CACNA1C: variants seen among roughly 807,000 people sequenced by gnomAD.
CACNA1C encodes the protein calcium voltage-gated channel subunit alpha1 C.
CACNA1C carries 30 observed loss-of-function variants against 229.0 expected under a neutral mutation model. The observed-to-expected ratio is 0.13, with a 90% CI of 0.10 to 0.18. The LOEUF (loss-of-function observed/expected upper bound fraction) is 0.18. Among genes scored for constraint, CACNA1C ranks in the 10% least tolerant of loss-of-function variants. CACNA1C has a pLI of 1.00. For missense variants in CACNA1C, 1,658 were observed against 2,845.0 expected, an observed-to-expected ratio of 0.58 and a Z score of 9.49; for synonymous variants, 1,114 against 1,132.5, an observed-to-expected ratio of 0.98 and a Z score of 0.33.
At chr12:2,301,423 G>C (rs756426885) in intron 3 of CACNA1C, among the ~76,000 whole-genome samples, 1 of 152,118 alleles carries the variant, frequency 6.6e-6, no homozygotes, top group Non-Finnish European at 1.5e-5. Context: ...GCAGAATTTC[G>C]CACAGAAGGT....
intron 1 of CACNA1C, among the ~76,000 whole-genome samples, chr12:2,016,950 C>T (rs568171179): frequency 4.3e-4 from 65 of 152,310 alleles, no homozygotes; most frequent in African/African-American, 1.5e-3. Context: ...TTAGAAGCTT[C>T]CTGTTCCTTA....
chr12:2,315,141 C>T (rs978741788), intron 3 of CACNA1C, among the ~76,000 whole-genome samples: 1 of 152,166 alleles, frequency 6.6e-6, no homozygotes, highest in African/African-American at 2.4e-5. Flanking sequence ...CACTTTCCCC[C>T]AACCCATTCT....
intron 3 of CACNA1C, among the ~76,000 whole-genome samples, chr12:2,405,388 C>T (rs1159048181): frequency 6.6e-6 from 1 of 152,180 alleles, no homozygotes; most frequent in Non-Finnish European, 1.5e-5. Flanking sequence ...GAGATCTTCC[C>T]CGTGTGCACA....
At chr12:2,277,828 T>C (rs1019859165) in intron 3 of CACNA1C, among the ~76,000 whole-genome samples, 5 of 152,236 alleles carry the variant, frequency 3.3e-5, no homozygotes, top group Non-Finnish European at 7.3e-5. Context: ...CTTTATTGCA[T>C]GTTAATACTT....
At chr12:2,532,407 G>C (rs907785542) in intron 9 of CACNA1C, among the ~76,000 whole-genome samples, 1 of 152,082 alleles carries the variant, frequency 6.6e-6, no homozygotes, top group Non-Finnish European at 1.5e-5. Context: ...ACTCCCATCT[G>C]CAAGAAGGCC....
At chr12:2,551,983 A>G (rs1330866116) in intron 10 of CACNA1C, among the ~76,000 whole-genome samples, 3 of 152,190 alleles carry the variant, frequency 2.0e-5, no homozygotes, top group African/African-American at 7.2e-5. Context: ...GGTTGTTGGG[A>G]TGAAAACTAC....
intron 3 of CACNA1C, among the ~76,000 whole-genome samples, chr12:2,343,328 T>A (rs548530389): frequency 5.3e-5 from 8 of 152,328 alleles, no homozygotes; most frequent in Admixed American, 4.6e-4. Context: ...TATTTGGCTG[T>A]TCACAACCTT....
chr12:2,597,458 G>T lies in CACNA1C; in HGVS notation c.2853+169G>T. 3 of 1,610,186 alleles carry T rather than the reference G, an allele frequency of 1.9e-6. No homozygotes were observed. Among genetic ancestry groups the T allele is most frequent in the Non-Finnish European group, 2.5e-6 (3 of 1,176,486 alleles). On this transcript the variant is annotated intron_variant, in intron 21 of 46. Transcript: ENST00000399655. This position sits in a 1 kb window ranked among gnomAD's most constrained non-coding sequence, Gnocchi z 4.3. ...TCAGATCCTAGGCAATGCAGACTAT[G>T]TCTTCACTAGTATCTTTACATTAGA...
chr12:2,674,002 C>T (rs749467800), intron 38 of CACNA1C, among the ~76,000 whole-genome samples: 9 of 152,190 alleles, frequency 5.9e-5, no homozygotes, highest in Non-Finnish European at 1.3e-4. Flanking sequence ...AGGCTAGGAC[C>T]CCAGAGGCTG....
chr12:2,151,418 A>C (rs534877121), intron 3 of CACNA1C, among the ~76,000 whole-genome samples: 1 of 151,738 alleles, frequency 6.6e-6, no homozygotes, highest in South Asian at 2.1e-4. Context: ...CTGAGGAGCC[A>C]TTTTTATAGG....
chr12:2,081,649 T>G (rs2065691406), intron 1 of CACNA1C, among the ~76,000 whole-genome samples: 1 of 152,086 alleles, frequency 6.6e-6, no homozygotes, highest in Admixed American at 6.5e-5. Flanking sequence ...CTGAGAGAAC[T>G]ACCAAGGGAC....
chr12:2,226,125 G>GCACACACACA (rs59055471), intron 3 of CACNA1C, among the ~76,000 whole-genome samples: 3 of 142,770 alleles, frequency 2.1e-5, no homozygotes, highest in African/African-American at 5.2e-5. Context: ...ATGGGGACGC[G>GCACACACACA]CACACACACA....
chr12:2,453,321 C>T (rs920921512), intron 4 of CACNA1C, among the ~76,000 whole-genome samples: 4 of 152,118 alleles, frequency 2.6e-5, no homozygotes, highest in African/African-American at 9.7e-5. Flanking sequence ...GATCCAGATA[C>T]CTGGGGCATA....
intron 3 of CACNA1C, among the ~76,000 whole-genome samples, chr12:2,425,720 CTT>C (rs2099025104): frequency 6.6e-6 from 1 of 152,120 alleles, no homozygotes; most frequent in African/African-American, 2.4e-5. Context: ...CAATGCTAAG[CTT>C]TTTATCTATT....
rs2059889954 is a variant in CACNA1C, at chr12:2,067,662, G to T, written c.49+14051G>T. ...AAGGAAGCAGGGGATGGGAGGACTG[G>T]TGGAGGTGGACGTCAGACACCAGGC... On this transcript the variant is annotated intron_variant, in intron 1 of 46. Transcript: ENST00000399655. The surrounding 1 kb of genome is among the most constrained non-coding windows in gnomAD (Gnocchi z 5.3). Among the ~76,000 whole-genome samples, 1 of 152,148 alleles carries T rather than the reference G, an allele frequency of 6.6e-6. No individual in the cohort carries two copies. The highest frequency in any genetic ancestry group is 2.1e-4 in the South Asian group (1 of 4,828).
intron 5 of CACNA1C, among the ~76,000 whole-genome samples, chr12:2,478,415 G>A (rs1044122511): frequency 1.3e-5 from 2 of 152,134 alleles, no homozygotes; most frequent in African/African-American, 4.8e-5. Flanking sequence ...TGTCACTTGA[G>A]ACCCGGTTAG....
chr12:2,466,733 G>C (rs997348560), intron 5 of CACNA1C, among the ~76,000 whole-genome samples: 1 of 152,138 alleles, frequency 6.6e-6, no homozygotes, highest in East Asian at 1.9e-4. Flanking sequence ...TGGAGACCTT[G>C]GGCAGGTCTG....
chr12:2,456,869 A>G (rs762196422), intron 4 of CACNA1C, among the ~76,000 whole-genome samples: 6 of 152,130 alleles, frequency 3.9e-5, no homozygotes, highest in African/African-American at 1.4e-4. Flanking sequence ...GGCTTTGTCC[A>G]TTTTGCTATA....
At chr12:2,350,823 G>A (rs1206703867) in intron 3 of CACNA1C, among the ~76,000 whole-genome samples, 4 of 152,244 alleles carry the variant, frequency 2.6e-5, no homozygotes, top group Non-Finnish European at 5.9e-5. Flanking sequence ...CAGGTTGGAA[G>A]GACCCTGGAG....
Sources: allele counts gnomAD v4.1 joint callset (sites outside exome capture counted in the v4.1 genomes callset), GRCh38; gene constraint gnomAD v4.1.1; non-coding constraint Gnocchi (gnomAD v3.1); transcripts MANE v1.5; gene names NCBI Gene and HGNC (gene_info 2026-07-23, HGNC 2026-07-21).